The following APC variants were observed in gnomAD, a reference collection of about 807,000 sequenced individuals.
APC encodes the protein APC regulator of Wnt signaling pathway.
In APC, 72 loss-of-function variants were observed where a neutral mutation model predicts 247.0. The ratio of observed to expected loss-of-function variants is 0.29; its 90% CI spans 0.24 to 0.35. The LOEUF (loss-of-function observed/expected upper bound fraction) is 0.35. APC is among the 10% of genes least tolerant of loss of function. The probability of loss-of-function intolerance (pLI) is 1.00; values close to 1 mark genes in which losing one functional copy is unlikely to be tolerated. For synonymous variants in APC, 1,254 were observed against 1,162.5 expected, an observed-to-expected ratio of 1.08 and a Z score of -1.60; for missense variants, 3,400 against 3,360.7, an observed-to-expected ratio of 1.01 and a Z score of -0.29.
intron 1 of APC, among the ~76,000 whole-genome samples, chr5:112,717,367 GTT>G: frequency 6.6e-6 from 1 of 151,978 alleles, no homozygotes; most frequent in South Asian, 2.1e-4. Flanking sequence ...TGTTGTTACT[GTT>G]TCATACTGCC....
intron 7 of APC, among the ~76,000 whole-genome samples, chr5:112,795,169 G>C (rs984090040): frequency 6.6e-6 from 1 of 152,130 alleles, no homozygotes; most frequent in Middle Eastern, 3.2e-3. Flanking sequence ...TGGGATTGTA[G>C]GTGTCTGCCA....
chr5:112,793,016 T>A (rs1759812813), intron 7 of APC, among the ~76,000 whole-genome samples: 1 of 151,968 alleles, frequency 6.6e-6, no homozygotes, highest in African/African-American at 2.4e-5. Flanking sequence ...CAGAGAGGGT[T>A]GACCCATAAG....
At position 112,757,649 on chromosome 5, in the gene APC, C is replaced by T. The variant is rs371211776; in HGVS notation, c.135+2624C>T. Among the ~76,000 whole-genome samples, 6 of 152,166 alleles carry T rather than the reference C, an allele frequency of 3.9e-5. No individual in the cohort carries two copies. The East Asian group carries it at 7.7e-4, about 20-fold the overall frequency. On this transcript the variant is annotated intron_variant, in intron 2 of 15. Coordinates refer to ENST00000257430, the MANE Select transcript of APC (RefSeq NM_000038.6). ...GGAAGGCTGAGGTGGGAAGATTGTA[C>T]TCCAGCCTGGGCAAAAGAGCCAGAC...
chr5:112,829,179 C>A (rs1764053199), intron 14 of APC: 2 of 453,012 alleles, frequency 4.4e-6, no homozygotes, highest in Non-Finnish European at 8.2e-6. Flanking sequence ...CTTTCTCTCG[C>A]CCAGGCTGGA....
chr5:112,818,906 G>C (rs1263817229), intron 9 of APC, 60 bp from the exon 10 acceptor site: 2 of 1,460,940 alleles, frequency 1.4e-6, no homozygotes, highest in Non-Finnish European at 1.9e-6. Context: ...TCACTTAATT[G>C]GTTTTTGGCT....
chr5:112,709,151 T>C (rs959815063), intron 1 of APC, among the ~76,000 whole-genome samples: 6 of 152,238 alleles, frequency 3.9e-5, no homozygotes, highest in African/African-American at 1.2e-4. Context: ...CTTGAAGTTA[T>C]GCTAGATGTT....
intron 6 of APC, among the ~76,000 whole-genome samples, chr5:112,791,283 T>C (rs1561500233): frequency 2.0e-5 from 3 of 152,228 alleles, no homozygotes; most frequent in Non-Finnish European, 4.4e-5. Context: ...CTATCCTCTT[T>C]ATGATCCTAG....
chr5:112,742,209 T>C (rs1392393381), intron 1 of APC, among the ~76,000 whole-genome samples: 1 of 152,236 alleles, frequency 6.6e-6, no homozygotes, highest in Non-Finnish European at 1.5e-5. Flanking sequence ...TTTTACTTTA[T>C]GTCCATCTAG....
rs876660665 is a variant in APC, at chr5:112,841,538, A to C, written c.5944A>C (p.Lys1982Gln). ...TGACATTGACCAAGAAAACAACAAT[A>C]AAGAAAATGAACCTATCAAAGAGAC... is the stretch of plus-strand genomic sequence containing the variant. Reference protein sequence around the residue: ...LSDIDQENNNKENEPIKETEP... With the variant: ...LSDIDQENNNQENEPIKETEP... Residue 1982 changes from lysine (K) to glutamine (Q), a missense_variant, in exon 16 of 16, where the codon AAA (lysine) becomes CAA (glutamine). By Grantham distance (53) the Lys-to-Gln change is moderately conservative. This residue lies in a region of APC where 1,788 missense variants were observed against 1,649.5 expected (regional missense o/e 1.08). Transcript: ENST00000257430. The surrounding 1 kb of genome is among the most constrained non-coding windows in gnomAD (Gnocchi z 4.6). 8.1e-6 allele frequency: 13 copies of C among 1,613,966 alleles called. No homozygotes were observed. Among genetic ancestry groups the C allele is most frequent in the Non-Finnish European group, 1.0e-5 (12 of 1,179,894 alleles).
intron 1 of APC, among the ~76,000 whole-genome samples, chr5:112,714,155 T>C (rs1182471201): frequency 6.6e-6 from 1 of 152,228 alleles, no homozygotes. Flanking sequence ...AGAGTTGTGG[T>C]TCCCCTTGGG....
Position 112,815,503 on chromosome 5 carries a change from T to C in APC, c.843T>C (p.Thr281=). The change falls in exon 9 of 16, where the codon ACT becomes ACC. Residue 281 remains threonine, a synonymous_variant. Transcript: ENST00000257430. ...MATSGNGQGS[T]TRMDHETASV... Reference sequence around the variant, plus strand: ...ATGTGCTTAATTTTTAGGGTTCAACTACACGAATGGACCATGAAACAGCCA... The same window carrying C: ...ATGTGCTTAATTTTTAGGGTTCAACCACACGAATGGACCATGAAACAGCCA... 6.2e-7 allele frequency: 1 copy of C among 1,611,258 alleles called. No individual in the cohort carries two copies. Among genetic ancestry groups the C allele is most frequent in the Non-Finnish European group, 8.5e-7 (1 of 1,177,982 alleles).
At chr5:112,822,132 T>G in intron 11 of APC, 141 bp downstream of exon 11, 3 of 636,876 alleles carry the variant, frequency 4.7e-6, no homozygotes, top group Non-Finnish European at 8.2e-6. Flanking sequence ...TATCAGCTGC[T>G]TCCTCTGTGT....
rs75078687 is a variant in APC, at chr5:112,756,355, A to T, written c.135+1330A>T. On this transcript the variant is annotated intron_variant, in intron 2 of 15. Transcript: ENST00000257430. ...TCAAATCCCTTGGGAAATAAGGTAG[A>T]CTATAAACAAACATTTTATTCTTTC... Among the ~76,000 whole-genome samples, 316 of 151,504 alleles carry T rather than the reference A, an allele frequency of 2.1e-3. 3 individuals carry two copies. Among genetic ancestry groups the T allele is most frequent in the African/African-American group, 7.3e-3 (298 of 40,894 alleles).
In APC at chr5:112,841,201, T is replaced by C. The variant is rs745590070; in HGVS notation, c.5607T>C (p.Asp1869=). The C allele has an allele frequency of 6.2e-7, 1 of 1,614,010 alleles. No homozygotes were observed. The highest frequency in any genetic ancestry group is 1.7e-5 in the Admixed American group (1 of 60,010). Residue 1869 remains aspartate (D), a synonymous_variant, in exon 16 of 16, where the codon GAT becomes GAC. Coordinates refer to ENST00000257430, the MANE Select transcript of APC (RefSeq NM_000038.6). This position sits in a 1 kb window ranked among gnomAD's most constrained non-coding sequence, Gnocchi z 4.6. ...NDSLSSLDFD[D]DDVDLSREKA... Reference sequence around the variant, plus strand: ...CTTTGAGTTCTCTAGATTTTGATGATGATGATGTTGACCTTTCCAGGGAAA... The same window carrying C: ...CTTTGAGTTCTCTAGATTTTGATGACGATGATGTTGACCTTTCCAGGGAAA...
At chr5:112,822,696 C>T (rs549576330) in intron 11 of APC, among the ~76,000 whole-genome samples, 1 of 152,246 alleles carries the variant, frequency 6.6e-6, no homozygotes, top group Admixed American at 6.5e-5. Flanking sequence ...CTCATGTGAA[C>T]TGGATCTCTC....
chr5:112,721,840 T>C (rs1294257332), intron 1 of APC, among the ~76,000 whole-genome samples: 1 of 151,872 alleles, frequency 6.6e-6, no homozygotes, highest in African/African-American at 2.4e-5. Flanking sequence ...GGGCCACACA[T>C]AAAATACACT....
intron 1 of APC, among the ~76,000 whole-genome samples, chr5:112,750,439 A>G (rs1754214684): frequency 6.6e-6 from 1 of 150,760 alleles, no homozygotes; most frequent in South Asian, 2.1e-4. Context: ...CACATGAGGC[A>G]TTAGTGATGA....
chr5:112,731,937 T>A (rs1752120971), intron 1 of APC, among the ~76,000 whole-genome samples: 1 of 152,170 alleles, frequency 6.6e-6, no homozygotes, highest in Non-Finnish European at 1.5e-5. Flanking sequence ...AAGTTTTGTA[T>A]TTTTAGTAGA....
intron 8 of APC, among the ~76,000 whole-genome samples, chr5:112,814,097 C>T (rs1762246527): frequency 6.6e-6 from 1 of 152,210 alleles, no homozygotes. Context: ...CAGCAGCGAA[C>T]AGAATAAAGT....
Sources: allele counts gnomAD v4.1 joint callset (sites outside exome capture counted in the v4.1 genomes callset), GRCh38; gene constraint gnomAD v4.1.1; regional missense constraint gnomAD v4.1.1; non-coding constraint Gnocchi (gnomAD v3.1); transcripts MANE v1.5; gene names NCBI Gene and HGNC (gene_info 2026-07-23, HGNC 2026-07-21).